Variants in MAPK9 observed in about 807,000 individuals in gnomAD.
MAPK9 encodes mitogen-activated protein kinase 9, also known as Jun kinase.
Under a neutral mutation model 57.1 loss-of-function variants are expected in MAPK9, and 30 were observed. The ratio of observed to expected loss-of-function variants is 0.53; its 90% confidence interval spans 0.39 to 0.71. The LOEUF is 0.71. Among genes scored for constraint, MAPK9 ranks in the 30% least tolerant of loss-of-function variants. The pLI is 0.00. For synonymous variants in MAPK9, 155 were observed against 177.0 expected, an observed-to-expected ratio of 0.88 and a Z score of 0.99; for missense variants, 362 against 521.0, an observed-to-expected ratio of 0.69 and a Z score of 2.97.
At chr5:180,285,320 C>T (rs1762638731) in intron 1 of MAPK9, among the ~76,000 whole-genome samples, 1 of 152,194 alleles carries the variant, frequency 6.6e-6, no homozygotes, top group Non-Finnish European at 1.5e-5. Flanking sequence ...TCAAGTTCCT[C>T]CCAAAGCACC....
chr5:180,269,111 C>G (rs1319715875), intron 3 of MAPK9, among the ~76,000 whole-genome samples, 169 bp downstream of exon 3: 1 of 152,134 alleles, frequency 6.6e-6, no homozygotes, highest in African/African-American at 2.4e-5. Context: ...TGCATTCCAG[C>G]CTGGGCGACA....
chr5:180,245,081 G>A (rs989580868), intron 7 of MAPK9, among the ~76,000 whole-genome samples: 3 of 152,100 alleles, frequency 2.0e-5, no homozygotes, highest in Non-Finnish European at 2.9e-5. Flanking sequence ...GCTAAGTCCC[G>A]GGTCCTGGTC....
chr5:180,273,201 CTATT>C (rs1203303357), intron 2 of MAPK9, among the ~76,000 whole-genome samples: 10 of 147,664 alleles, frequency 6.8e-5, no homozygotes, highest in East Asian at 5.8e-4. Context: ...AACCTATTGA[CTATT>C]TGTTTGTCTA....
chr5:180,252,012 T>C (rs976584911), intron 5 of MAPK9, among the ~76,000 whole-genome samples: 6 of 152,080 alleles, frequency 3.9e-5, no homozygotes, highest in Non-Finnish European at 7.4e-5. Context: ...TGAGGATGAA[T>C]GGACACAGCT....
At chr5:180,258,481 T>G (rs1759532215) in intron 5 of MAPK9, 1 of 153,414 alleles carries the variant, frequency 6.5e-6, no homozygotes, top group Non-Finnish European at 1.5e-5. Context: ...ACCCTATAAA[T>G]GTAAGAAATG....
intron 5 of MAPK9, among the ~76,000 whole-genome samples, chr5:180,255,091 C>T (rs1041403337): frequency 1.3e-5 from 2 of 152,182 alleles, no homozygotes; most frequent in Non-Finnish European, 2.9e-5. Context: ...CTTGCTACCA[C>T]AGGCACTGCC....
intron 7 of MAPK9, chr5:180,246,709 T>C (rs772057433): frequency 6.6e-6 from 1 of 152,250 alleles, no homozygotes. Context: ...AGAAGGCTAT[T>C]GTAACAATTA....
chr5:180,245,138 T>C (rs893499017), intron 7 of MAPK9, among the ~76,000 whole-genome samples: 1 of 152,220 alleles, frequency 6.6e-6, no homozygotes, highest in Middle Eastern at 3.2e-3. Flanking sequence ...GCTTCAAGGC[T>C]ACCGACAGAC....
At chr5:180,267,426 G>C (rs1385118696) in intron 3 of MAPK9, among the ~76,000 whole-genome samples, 1 of 151,826 alleles carries the variant, frequency 6.6e-6, no homozygotes, top group Non-Finnish European at 1.5e-5. Flanking sequence ...GCTGGGTGTG[G>C]TGGCGGGCAC....
intron 2 of MAPK9, among the ~76,000 whole-genome samples, chr5:180,274,897 C>A (rs1165147360): frequency 6.6e-6 from 1 of 152,136 alleles, no homozygotes; most frequent in Non-Finnish European, 1.5e-5. Context: ...ACCTCTCCTC[C>A]AGGTCACTAA....
intron 7 of MAPK9, 57 bp from the exon 8 acceptor site, chr5:180,242,812 G>A (rs971037935): frequency 8.9e-6 from 12 of 1,350,068 alleles, no homozygotes; most frequent in East Asian, 2.3e-5. Flanking sequence ...CAGTACATGC[G>A]GCAGCATCAC....
intron 5 of MAPK9, among the ~76,000 whole-genome samples, chr5:180,261,018 C>T (rs1164001609): frequency 1.3e-5 from 2 of 152,060 alleles, no homozygotes; most frequent in African/African-American, 2.4e-5. Context: ...GTAAAATCAG[C>T]TTAGAGAGAA....
intron 1 of MAPK9, among the ~76,000 whole-genome samples, chr5:180,284,126 T>C (rs1762536908): frequency 6.6e-6 from 1 of 152,230 alleles, no homozygotes; most frequent in Non-Finnish European, 1.5e-5. Context: ...GAGTCAACTC[T>C]ATTGAGATGA....
intron 2 of MAPK9, among the ~76,000 whole-genome samples, chr5:180,278,480 T>C (rs1484037050): frequency 2.0e-5 from 3 of 152,180 alleles, no homozygotes; most frequent in Non-Finnish European, 2.9e-5. Flanking sequence ...GGTGGGTGGA[T>C]CATGAGGTCA....
chr5:180,284,518 A>G (rs904260813), intron 1 of MAPK9, among the ~76,000 whole-genome samples: 2 of 152,260 alleles, frequency 1.3e-5, no homozygotes, highest in Non-Finnish European at 2.9e-5. Context: ...GGCATGAGGA[A>G]ACAGGCACTT....
chr5:180,241,488 A>T (rs1389802290), intron 8 of MAPK9, among the ~76,000 whole-genome samples: 1 of 152,050 alleles, frequency 6.6e-6, no homozygotes, highest in East Asian at 1.9e-4. Context: ...TTTAGTAGAG[A>T]CAGGGTTTCA....
intron 1 of MAPK9, among the ~76,000 whole-genome samples, chr5:180,290,685 A>G (rs781714115): frequency 5.3e-5 from 8 of 152,270 alleles, no homozygotes; most frequent in Admixed American, 2.0e-4. Context: ...GTTTCACAAA[A>G]TAGAACAAGC....
chr5:180,283,704 C>G (rs1039495152), intron 1 of MAPK9, among the ~76,000 whole-genome samples: 2 of 152,122 alleles, frequency 1.3e-5, no homozygotes, highest in Non-Finnish European at 2.9e-5. Context: ...GGGAGGCCAA[C>G]GTGGGGGAAT....
chr5:180,259,213 A>G (rs1280135136), intron 5 of MAPK9, among the ~76,000 whole-genome samples: 1 of 152,190 alleles, frequency 6.6e-6, no homozygotes, highest in African/African-American at 2.4e-5. Context: ...TTTGACTGTA[A>G]GGAATGTGGT....
Sources: gnomAD v4.1 joint callset for allele counts (sites outside exome capture counted in the v4.1 genomes callset) on GRCh38, gnomAD v4.1.1 for gene constraint, MANE v1.5 for transcripts, NCBI Gene and HGNC (gene_info 2026-07-23, HGNC 2026-07-21) for gene names.